COG5: variants seen among roughly 807,000 people sequenced by gnomAD.
COG5 encodes the protein component of oligomeric golgi complex 5, also known as conserved oligomeric Golgi complex subunit 5.
COG5 carries 86 observed loss-of-function variants against 110.4 expected under a neutral mutation model. The ratio of observed to expected loss-of-function variants is 0.78; its 90% confidence interval spans 0.65 to 0.93. COG5 has a LOEUF of 0.93. Among genes scored for constraint, COG5 ranks in the 40% least tolerant of loss-of-function variants. The pLI is 0.00. For missense variants in COG5, 1,077 were observed against 987.0 expected (o/e 1.09, Z -1.22); for synonymous variants, 360 against 334.6 (o/e 1.08, Z -0.83).
chr7:107,557,015 C>G lies in COG5; in HGVS notation c.234+961G>C, dbSNP rs536603469. Reference sequence around the variant, plus strand: ...GGAACTCCTGACCTCATGACCTGCCCGCCTCAGCCTCCCAAAGTGCTGGGG... The same window carrying G: ...GGAACTCCTGACCTCATGACCTGCCGGCCTCAGCCTCCCAAAGTGCTGGGG... On this transcript the variant is annotated intron_variant, in intron 2 of 21. Coordinates refer to ENST00000297135, the MANE Select transcript of COG5 (RefSeq NM_006348.5). 7.2e-5 allele frequency among the ~76,000 whole-genome samples: 11 copies of G among 152,204 alleles called. 1 individual carries two copies. In the South Asian group the frequency reaches 1.9e-3, roughly 26 times the overall value.
chr7:107,415,787 CGTAT>C (rs201730078), intron 6 of COG5, among the ~76,000 whole-genome samples: 4,258 of 132,808 alleles, frequency 0.032, 361 homozygotes, highest in Admixed American at 0.13. Flanking sequence ...CACACATACA[CGTAT>C]GTATGTATGT....
At chr7:107,285,215 T>C (rs1243418279) in intron 12 of COG5, among the ~76,000 whole-genome samples, 1 of 152,188 alleles carries the variant, frequency 6.6e-6, no homozygotes, top group Admixed American at 6.5e-5. Flanking sequence ...CTGTAATAGA[T>C]GAAGATACCA....
intron 5 of COG5, 50 bp downstream of exon 5, chr7:107,548,061 T>C (rs1211740311): frequency 3.3e-6 from 5 of 1,494,452 alleles, no homozygotes; most frequent in East Asian, 2.3e-5. Flanking sequence ...TGTCCACTTA[T>C]GAAAACAAAA....
chr7:107,526,175 A>G (rs1015799208), intron 6 of COG5, among the ~76,000 whole-genome samples: 2 of 152,234 alleles, frequency 1.3e-5, no homozygotes, highest in East Asian at 3.8e-4. Flanking sequence ...CACAATAGCA[A>G]GAGTAAGCAG....
At chr7:107,519,475 C>T (rs867627229) in intron 6 of COG5, among the ~76,000 whole-genome samples, 1 of 151,310 alleles carries the variant, frequency 6.6e-6, no homozygotes, top group Admixed American at 6.6e-5. Flanking sequence ...ACCACTGACC[C>T]CAAAGAAATA....
intron 3 of COG5, among the ~76,000 whole-genome samples, chr7:107,553,523 A>G (rs1038970340): frequency 6.6e-6 from 1 of 152,182 alleles, no homozygotes; most frequent in Non-Finnish European, 1.5e-5. Context: ...AATTTGATCA[A>G]CATCGAGAAA....
chr7:107,366,785 T>C (rs1813663674), intron 8 of COG5, among the ~76,000 whole-genome samples: 1 of 152,104 alleles, frequency 6.6e-6, no homozygotes, highest in Non-Finnish European at 1.5e-5. Context: ...CCCTACCTCT[T>C]ATCCAATTCT....
At chr7:107,419,354 T>G (rs78006086) in intron 6 of COG5, among the ~76,000 whole-genome samples, 1 of 151,734 alleles carries the variant, frequency 6.6e-6, no homozygotes, top group South Asian at 2.1e-4. Context: ...ACCAATAATT[T>G]AAACAAAATT....
chr7:107,435,411 G>C (rs1443900603), intron 6 of COG5, among the ~76,000 whole-genome samples: 1 of 152,158 alleles, frequency 6.6e-6, no homozygotes, highest in Non-Finnish European at 1.5e-5. Context: ...CCAGCACTTT[G>C]GGAGGCCAAG....
chr7:107,558,928 AAAAAAAAC>A (rs1803552762), intron 1 of COG5, among the ~76,000 whole-genome samples: 1 of 139,158 alleles, frequency 7.2e-6, no homozygotes, highest in Non-Finnish European at 1.6e-5. Context: ...AAAAAAAAAA[AAAAAAAAC>A]CATAACTACT....
chr7:107,337,719 G>A (rs1041191054), intron 10 of COG5, among the ~76,000 whole-genome samples: 3 of 152,024 alleles, frequency 2.0e-5, no homozygotes, highest in Non-Finnish European at 4.4e-5. Context: ...GAAGAAATAA[G>A]TTCTAATGTT....
chr7:107,445,505 A>G (rs1794956309), intron 6 of COG5, among the ~76,000 whole-genome samples: 1 of 152,228 alleles, frequency 6.6e-6, no homozygotes, highest in Non-Finnish European at 1.5e-5. Flanking sequence ...TACTATTTAC[A>G]AACAGGTTTA....
chr7:107,228,240 G>C (rs990257301), intron 19 of COG5, among the ~76,000 whole-genome samples: 3 of 149,508 alleles, frequency 2.0e-5, no homozygotes, highest in Admixed American at 6.7e-5. Context: ...GGTGGAGGTT[G>C]CAGTAAGCTG....
chr7:107,304,268 A>G (rs879828057), intron 11 of COG5, among the ~76,000 whole-genome samples: 15 of 152,056 alleles, frequency 9.9e-5, no homozygotes, highest in Non-Finnish European at 1.6e-4. Flanking sequence ...TATGTGCTCA[A>G]TTTCTCTCTT....
At chr7:107,508,406 C>A (rs1215708545) in intron 6 of COG5, among the ~76,000 whole-genome samples, 1 of 152,242 alleles carries the variant, frequency 6.6e-6, no homozygotes, top group Non-Finnish European at 1.5e-5. Context: ...TGGAGCCCAC[C>A]ACAGCTCAAG....
intron 6 of COG5, among the ~76,000 whole-genome samples, chr7:107,491,862 AAC>A (rs1361828671): frequency 6.6e-6 from 1 of 152,132 alleles, no homozygotes; most frequent in African/African-American, 2.4e-5. Context: ...ATGATGAAGA[AAC>A]AGACTCACCC....
chr7:107,419,749 G>A (rs1278731274), intron 6 of COG5, among the ~76,000 whole-genome samples: 1 of 152,014 alleles, frequency 6.6e-6, no homozygotes, highest in Non-Finnish European at 1.5e-5. Context: ...TGTATTTTTT[G>A]TAGAGACAGG....
intron 19 of COG5, among the ~76,000 whole-genome samples, chr7:107,221,662 G>A (rs1395946280): frequency 6.6e-6 from 1 of 151,890 alleles, no homozygotes; most frequent in Non-Finnish European, 1.5e-5. Flanking sequence ...CCACTCGGGA[G>A]GCTGAGGCAG....
At chr7:107,257,855 G>A (rs1802999855) in intron 15 of COG5, among the ~76,000 whole-genome samples, 1 of 152,132 alleles carries the variant, frequency 6.6e-6, no homozygotes, top group East Asian at 1.9e-4. Context: ...GCTCCTCCCT[G>A]ACTTTTTAAT....
Sources: allele counts gnomAD v4.1 joint callset (sites outside exome capture counted in the v4.1 genomes callset), GRCh38; gene constraint gnomAD v4.1.1; transcripts MANE v1.5; gene names NCBI Gene and HGNC (gene_info 2026-07-23, HGNC 2026-07-21).